ARHGAP6: variants seen among roughly 807,000 people sequenced by gnomAD.
The protein encoded by ARHGAP6 is rho GTPase-activating protein 6.
Under a neutral mutation model 55.7 loss-of-function variants are expected in ARHGAP6, and 16 were observed. That is an observed-to-expected ratio of 0.29 (90% CI 0.19 to 0.44). The LOEUF (loss-of-function observed/expected upper bound fraction) is 0.44. ARHGAP6 is among the 20% of genes least tolerant of loss of function. The pLI, the probability that ARHGAP6 is intolerant of heterozygous loss-of-function variation, is 1.00. For missense variants in ARHGAP6, 698 were observed against 808.9 expected (o/e 0.86, Z 1.66); for synonymous variants, 382 against 360.9 (o/e 1.06, Z -0.66).
At chrX:11,556,344 G>A (rs1435538185) in intron 1 of ARHGAP6, among the ~76,000 whole-genome samples, 2 of 111,823 alleles carry the variant, frequency 1.8e-5, no homozygotes, top group Non-Finnish European at 3.8e-5. Flanking sequence ...TAAGAGTTAA[G>A]GGTACATCTG....
intron 1 of ARHGAP6, among the ~76,000 whole-genome samples, chrX:11,560,349 T>C (rs1184818968): frequency 5.3e-5 from 6 of 112,317 alleles, no homozygotes; most frequent in Non-Finnish European, 9.4e-5. Flanking sequence ...CTGCAGGCCT[T>C]AGTTTACTCA....
chrX:11,340,292 A>G (rs60605127), intron 1 of ARHGAP6, among the ~76,000 whole-genome samples: 4 of 109,733 alleles, frequency 3.6e-5, no homozygotes, highest in Admixed American at 1.9e-4. Context: ...TAGACTCCCA[A>G]CTCTCTTTTG....
chrX:11,307,090 T>G (rs754142410), intron 1 of ARHGAP6, among the ~76,000 whole-genome samples: 60 of 110,862 alleles, frequency 5.4e-4, no homozygotes, highest in Non-Finnish European at 7.6e-4. Context: ...GCAAGTCCAG[T>G]GCTCGTAGAA....
At chrX:11,524,702 A>G in intron 1 of ARHGAP6, among the ~76,000 whole-genome samples, 1 of 111,148 alleles carries the variant, frequency 9.0e-6, no homozygotes, top group Non-Finnish European at 1.9e-5. Flanking sequence ...CAATTTTTCC[A>G]AGGACCGGAG....
intron 1 of ARHGAP6, among the ~76,000 whole-genome samples, chrX:11,295,511 A>G (rs1390393845): frequency 9.0e-6 from 1 of 111,521 alleles, no homozygotes; most frequent in Non-Finnish European, 1.9e-5. Context: ...CAGGTGCATA[A>G]GGGCAGAGAA....
chrX:11,656,918 A>T, intron 1 of ARHGAP6, among the ~76,000 whole-genome samples: 1 of 112,531 alleles, frequency 8.9e-6, no homozygotes, highest in East Asian at 2.8e-4. Flanking sequence ...AAAAAACTAT[A>T]GAGATTAATT....
chrX:11,232,517 A>G (rs981704518), intron 2 of ARHGAP6, among the ~76,000 whole-genome samples: 1 of 111,248 alleles, frequency 9.0e-6, no homozygotes, highest in African/African-American at 3.3e-5. Context: ...CTGTAGTCCC[A>G]GTGACTCAGG....
At position 11,187,893 on chromosome X, in the gene ARHGAP6, G is replaced by A. The variant is rs959144897; in HGVS notation, c.1077+835C>T. On this transcript the variant is annotated intron_variant, in intron 4 of 12. Coordinates refer to ENST00000337414, the MANE Select transcript of ARHGAP6 (RefSeq NM_013427.3). ...AAAATAATAATAATAACAGCTAGGC[G>A]TGGTGGTGCGCATCTGTAGTCCCAG... Among the ~76,000 whole-genome samples the A allele has an allele frequency of 4.5e-5, 5 of 111,733 alleles. 1 individual carries two copies. The South Asian group carries it at 1.1e-3, about 26-fold the overall frequency.
chrX:11,232,162 A>G (rs945909107), intron 2 of ARHGAP6, among the ~76,000 whole-genome samples: 1 of 111,758 alleles, frequency 8.9e-6, no homozygotes, highest in Non-Finnish European at 1.9e-5. Flanking sequence ...CGAGTGTGCT[A>G]TTGAACCCTA....
chrX:11,220,436 G>A (rs1393086194), intron 2 of ARHGAP6, among the ~76,000 whole-genome samples: 12 of 111,230 alleles, frequency 1.1e-4, no homozygotes, highest in African/African-American at 1.6e-4. Context: ...CGGATCTCTC[G>A]GCAGAAACCC....
intron 1 of ARHGAP6, among the ~76,000 whole-genome samples, chrX:11,351,144 G>A (rs1411823885): frequency 9.3e-6 from 1 of 107,292 alleles, no homozygotes; most frequent in Non-Finnish European, 1.9e-5. Flanking sequence ...ACCACAAAAC[G>A]GAATGTTTTA....
chrX:11,533,498 T>C (rs2051073387), intron 1 of ARHGAP6, among the ~76,000 whole-genome samples: 1 of 112,407 alleles, frequency 8.9e-6, no homozygotes, highest in African/African-American at 3.2e-5. Context: ...AAACCTACTT[T>C]ATACTCGTTA....
intron 1 of ARHGAP6, among the ~76,000 whole-genome samples, chrX:11,398,649 A>G (rs2049510625): frequency 8.9e-6 from 1 of 111,966 alleles, no homozygotes; most frequent in Admixed American, 9.5e-5. Flanking sequence ...GTTAAGCACA[A>G]TATGTTTTAA....
At chrX:11,507,356 G>A (rs2147863608) in intron 1 of ARHGAP6, among the ~76,000 whole-genome samples, 1 of 111,540 alleles carries the variant, frequency 9.0e-6, no homozygotes, top group East Asian at 2.8e-4. Flanking sequence ...GACTGAGGGT[G>A]TGCTTGAATA....
intron 1 of ARHGAP6, among the ~76,000 whole-genome samples, chrX:11,566,628 G>A (rs1017565849): frequency 1.8e-5 from 2 of 112,076 alleles, no homozygotes; most frequent in Non-Finnish European, 3.8e-5. Flanking sequence ...GGGTTTGTGA[G>A]CATTAAATGA....
intron 1 of ARHGAP6, among the ~76,000 whole-genome samples, chrX:11,580,294 C>T (rs940995832): frequency 2.7e-5 from 3 of 111,881 alleles, no homozygotes; most frequent in African/African-American, 9.7e-5. Context: ...GAATTAAGTC[C>T]CTGGAAATAA....
Position 11,538,488 on chromosome X carries a change from A to G in ARHGAP6, c.588+125753T>C, listed in dbSNP as rs1341416651. ...ACACAAGCTGTACCCCAAAAATTCA[A>G]TTACTCACAGAGAAGACCCAGAATG... On this transcript the variant is annotated intron_variant, in intron 1 of 12. Coordinates refer to ENST00000337414, the MANE Select transcript of ARHGAP6 (RefSeq NM_013427.3). 4.5e-5 allele frequency among the ~76,000 whole-genome samples: 5 copies of G among 111,711 alleles called. No individual in the cohort carries two copies. The Admixed American group carries it at 4.8e-4, about 11-fold the overall frequency.
chrX:11,521,589 C>T (rs938794110), intron 1 of ARHGAP6, among the ~76,000 whole-genome samples: 6 of 111,402 alleles, frequency 5.4e-5, no homozygotes, highest in Admixed American at 1.9e-4. Context: ...AGTCAGGTAG[C>T]GTGATGCCTC....
At chrX:11,603,817 A>T (rs1157839747) in intron 1 of ARHGAP6, among the ~76,000 whole-genome samples, 1 of 112,297 alleles carries the variant, frequency 8.9e-6, no homozygotes, top group Non-Finnish European at 1.9e-5. Context: ...TCTCTGATTT[A>T]ACAAGATAAA....
Sources: gnomAD v4.1 joint callset for allele counts (sites outside exome capture counted in the v4.1 genomes callset) on GRCh38, gnomAD v4.1.1 for gene constraint, MANE v1.5 for transcripts, NCBI Gene and HGNC (gene_info 2026-07-23, HGNC 2026-07-21) for gene names.